ACOXL: variants seen among roughly 807,000 people sequenced by gnomAD.
ACOXL encodes acyl-CoA oxidase like, also known as acyl-coenzyme A oxidase-like protein.
Under a neutral mutation model 71.9 loss-of-function variants are expected in ACOXL, and 70 were observed. The observed-to-expected ratio is 0.97, with a 90% CI of 0.80 to 1.19. The LOEUF (loss-of-function observed/expected upper bound fraction) is 1.19. Among genes scored for constraint, ACOXL ranks in the 50% most tolerant of loss-of-function variants. The probability of loss-of-function intolerance (pLI) is 0.00; values close to 1 mark genes in which losing one functional copy is unlikely to be tolerated. For synonymous variants in ACOXL, 253 were observed against 281.6 expected (o/e 0.90, Z 1.02); for missense variants, 703 against 736.3 (o/e 0.95, Z 0.52).
At chr2:111,018,499 G>A (rs1453878123) in intron 14 of ACOXL, among the ~76,000 whole-genome samples, 1 of 152,134 alleles carries the variant, frequency 6.6e-6, no homozygotes, top group Admixed American at 6.5e-5. Flanking sequence ...TGATTGGGTG[G>A]CGGATGGGCC....
chr2:110,918,363 A>C (rs1347252965), intron 11 of ACOXL, among the ~76,000 whole-genome samples: 1 of 152,224 alleles, frequency 6.6e-6, no homozygotes, highest in African/African-American at 2.4e-5. Context: ...CATATACAGA[A>C]AACTGAAACT....
intron 12 of ACOXL, among the ~76,000 whole-genome samples, chr2:110,944,117 G>A (rs545509932): frequency 6.6e-6 from 1 of 152,168 alleles, no homozygotes; most frequent in East Asian, 1.9e-4. Context: ...GAGTGCAGTG[G>A]CATGATCTTG....
chr2:110,919,578 C>G (rs944141261), intron 11 of ACOXL, among the ~76,000 whole-genome samples: 3 of 151,986 alleles, frequency 2.0e-5, no homozygotes, highest in Non-Finnish European at 4.4e-5. Flanking sequence ...AAAAATCACA[C>G]TTTGTGTTGT....
rs2068090292 is a variant in ACOXL, at chr2:111,084,305, ACAC to A, written c.1441-8559_1441-8557del. 2.8e-5 allele frequency among the ~76,000 whole-genome samples: 4 copies of A among 141,126 alleles called. No individual in the cohort carries two copies. In the South Asian group the frequency reaches 9.1e-4, roughly 32 times the overall value. The allele number at this position is 141,126 out of a possible 152,430, so 92.6% of individuals were successfully genotyped here. A position where few individuals can be genotyped will look rare whatever the true frequency, so the allele number is the denominator to read the frequency against. On this transcript the variant is annotated intron_variant, in intron 16 of 17. Coordinates refer to ENST00000439055, the MANE Select transcript of ACOXL (RefSeq NM_001142807.4). ...CACACACACACACACACACACACAC[ACAC>A]AAGAAGTGGAAGGATTGTGGGGGAG...
intron 14 of ACOXL, among the ~76,000 whole-genome samples, chr2:111,012,157 G>GT (rs2064200829): frequency 6.6e-6 from 1 of 152,114 alleles, no homozygotes; most frequent in Non-Finnish European, 1.5e-5. Flanking sequence ...CAGATGTTGT[G>GT]TTTTTTACAA....
intron 16 of ACOXL, among the ~76,000 whole-genome samples, chr2:111,087,903 C>G (rs183988843): frequency 1.2e-4 from 19 of 152,220 alleles, no homozygotes; most frequent in Admixed American, 5.2e-4. Flanking sequence ...ATACATCTGA[C>G]AAAGGTCTAA....
In ACOXL at chr2:110,745,143, A is replaced by G. The variant is rs539593987; in HGVS notation, c.-23+12369A>G. Among the ~76,000 whole-genome samples, 16 of 152,314 alleles carry G rather than the reference A, an allele frequency of 1.1e-4. No homozygotes were observed. The South Asian group carries it at 2.5e-3, about 24-fold the overall frequency. ...TTGCAGAGTCAGAAATGCAGCTCAC[A>G]TTGGCCTCAGGTGTGGAGGCTGGAA... On this transcript the variant is annotated intron_variant, in intron 1 of 17. Transcript: ENST00000439055.
rs933742724 is a variant in ACOXL at position 110,794,177 on chromosome 2, G to A, written c.345+3G>A. On this transcript the variant is annotated splice_donor_region_variant and intron_variant, in intron 5 of 17. Coordinates refer to ENST00000439055, the MANE Select transcript of ACOXL (RefSeq NM_001142807.4). ...CCACCTTTGACCTCTCTGCCCAGGT[G>A]AGGAATCCATCCTTCTCCTGCCGTG... 1.9e-6 allele frequency: 3 copies of A among 1,614,090 alleles called. No individual in the cohort carries two copies. The highest frequency in any genetic ancestry group is 2.5e-6 in the Non-Finnish European group (3 of 1,179,944).
At chr2:110,849,482 G>A (rs565065442) in intron 10 of ACOXL, among the ~76,000 whole-genome samples, 1 of 152,346 alleles carries the variant, frequency 6.6e-6, no homozygotes, top group East Asian at 1.9e-4. Flanking sequence ...CCTAGGCTGC[G>A]TGCCGTGGTT....
chr2:111,020,869 C>T (rs1162058537), intron 14 of ACOXL, among the ~76,000 whole-genome samples: 3 of 152,224 alleles, frequency 2.0e-5, no homozygotes, highest in Non-Finnish European at 4.4e-5. Context: ...TGAGACTCCT[C>T]TGTAAAAGCA....
chr2:110,917,569 GA>G (rs368992903), intron 11 of ACOXL, among the ~76,000 whole-genome samples: 34 of 152,336 alleles, frequency 2.2e-4, no homozygotes, highest in African/African-American at 7.9e-4. Flanking sequence ...TCAGGCAAGA[GA>G]AAGAAATAAA....
At chr2:111,027,308 A>T (rs2065058124) in intron 14 of ACOXL, among the ~76,000 whole-genome samples, 1 of 148,526 alleles carries the variant, frequency 6.7e-6, no homozygotes, top group Non-Finnish European at 1.5e-5. Context: ...TATTCTGTTG[A>T]TTTAAAGAAA....
rs1692650876 is a variant in ACOXL at position 110,851,927 on chromosome 2, GCTCCCA to G, written c.788+10525_788+10530del. Among the ~76,000 whole-genome samples the G allele has an allele frequency of 3.3e-5, 5 of 152,242 alleles. No homozygotes were observed. The South Asian group carries it at 6.2e-4, about 19-fold the overall frequency. On this transcript the variant is annotated intron_variant, in intron 10 of 17. Coordinates refer to ENST00000439055, the MANE Select transcript of ACOXL (RefSeq NM_001142807.4). Reference sequence around the variant, plus strand: ...GGTGAACATAGCCGGGGTCACTCCAGCTCCCACTGGGTTGAATGTCGCTGAGTGCAG... The same window carrying G: ...GGTGAACATAGCCGGGGTCACTCCAGCTGGGTTGAATGTCGCTGAGTGCAG...
At chr2:110,842,767 CAG>C (rs761291478) in intron 10 of ACOXL, among the ~76,000 whole-genome samples, 3 of 152,104 alleles carry the variant, frequency 2.0e-5, no homozygotes, top group East Asian at 1.9e-4. Context: ...TGGCCTGTAT[CAG>C]GGGCGGAGGG....
chr2:110,844,801 C>A (rs1417937986), intron 10 of ACOXL, among the ~76,000 whole-genome samples: 4 of 152,074 alleles, frequency 2.6e-5, no homozygotes, highest in Non-Finnish European at 4.4e-5. Flanking sequence ...CCCACTTTTG[C>A]CTCCCAAAGT....
At chr2:110,804,042 A>T (rs892780091) in intron 8 of ACOXL, among the ~76,000 whole-genome samples, 10 of 142,188 alleles carry the variant, frequency 7.0e-5, no homozygotes, top group Admixed American at 7.4e-5. Flanking sequence ...GCTGAAGTGC[A>T]GTGGTGTAAT....
At chr2:111,083,322 CAT>C (rs2068027272) in intron 16 of ACOXL, among the ~76,000 whole-genome samples, 1 of 152,074 alleles carries the variant, frequency 6.6e-6, no homozygotes, top group African/African-American at 2.4e-5. Flanking sequence ...TAGAATGTCT[CAT>C]AGGATGCAAA....
intron 9 of ACOXL, among the ~76,000 whole-genome samples, chr2:110,835,663 G>A (rs1303768218): frequency 6.6e-6 from 1 of 152,238 alleles, no homozygotes; most frequent in Admixed American, 6.5e-5. Flanking sequence ...GACATAAAAT[G>A]TGAAAGGCTT....
rs184194883 is a variant in ACOXL at position 111,051,501 on chromosome 2, T to C, written c.1440+2213T>C. Among the ~76,000 whole-genome samples the C allele has an allele frequency of 9.3e-3, 1,420 of 152,276 alleles. 19 individuals are homozygous for C. The highest frequency in any genetic ancestry group is 0.034 in the Middle Eastern group (10 of 294). On this transcript the variant is annotated intron_variant, in intron 16 of 17. Transcript: ENST00000439055. ...TATATTTTTTTGAGACAGAGTCTTC[T>C]TCTGTCACCCAGGCTGGAGTGCAGT...
Sources: gnomAD v4.1 joint callset for allele counts (sites outside exome capture counted in the v4.1 genomes callset) on GRCh38, gnomAD v4.1.1 for gene constraint, MANE v1.5 for transcripts, NCBI Gene and HGNC (gene_info 2026-07-23, HGNC 2026-07-21) for gene names.